The following KANK1 variants were observed in gnomAD, a reference collection of about 807,000 sequenced individuals.
The protein encoded by KANK1 is KN motif and ankyrin repeat domains 1.
A neutral mutation model predicts 106.2 loss-of-function variants in KANK1; 109 were observed. The observed-to-expected ratio is 1.03, with a 90% CI of 0.88 to 1.20. The LOEUF (loss-of-function observed/expected upper bound fraction) is 1.20. Among genes scored for constraint, KANK1 ranks in the 50% most tolerant of loss-of-function variants. The probability of loss-of-function intolerance (pLI) is 0.00; values close to 1 mark genes in which losing one functional copy is unlikely to be tolerated. For synonymous variants in KANK1, 873 were observed against 652.2 expected (o/e 1.34, Z -5.16); for missense variants, 2,399 against 1,710.7 (o/e 1.40, Z -7.10).
intron 3 of KANK1, among the ~76,000 whole-genome samples, chr9:483,799 G>A (rs941694788): frequency 5.9e-5 from 9 of 152,130 alleles, no homozygotes; most frequent in African/African-American, 2.2e-4. Flanking sequence ...TTGACAACCT[G>A]CTAGCTCTTT....
At chr9:656,696 A>G (rs1309894004) in intron 1 of KANK1, among the ~76,000 whole-genome samples, 2 of 152,134 alleles carry the variant, frequency 1.3e-5, no homozygotes, top group Non-Finnish European at 2.9e-5. Context: ...AAGAATCACT[A>G]AAGGGATGTG....
chr9:643,519 C>A (rs1456151241), intron 1 of KANK1, among the ~76,000 whole-genome samples: 4 of 147,788 alleles, frequency 2.7e-5, no homozygotes, highest in African/African-American at 7.8e-5. Context: ...ATAAATAAAC[C>A]AGAATTTGCT....
intron 1 of KANK1, among the ~76,000 whole-genome samples, chr9:520,820 C>T (rs901895401): frequency 1.3e-5 from 2 of 151,688 alleles, no homozygotes; most frequent in Non-Finnish European, 2.9e-5. Flanking sequence ...TTTCCCATGG[C>T]TCCAGATCTG....
At chr9:536,866 G>T (rs552257371) in intron 1 of KANK1, among the ~76,000 whole-genome samples, 7 of 152,224 alleles carry the variant, frequency 4.6e-5, no homozygotes, top group Admixed American at 2.6e-4. Context: ...CTCTTAGTTC[G>T]CAGTCGGCAC....
intron 11 of KANK1, 155 bp from the exon 12 acceptor site, chr9:745,018 T>C (rs907881714): frequency 3.3e-6 from 5 of 1,505,498 alleles, no homozygotes; most frequent in Non-Finnish European, 3.5e-6. Context: ...GCCTTGGAGC[T>C]GTGGACACCT....
chr9:650,135 A>T (rs1563925692), intron 1 of KANK1, among the ~76,000 whole-genome samples: 1 of 152,188 alleles, frequency 6.6e-6, no homozygotes, highest in Admixed American at 6.5e-5. Context: ...TTAATATGCA[A>T]TCCCAATATT....
chr9:645,778 A>G (rs969995559), intron 1 of KANK1, among the ~76,000 whole-genome samples: 1 of 150,712 alleles, frequency 6.6e-6, no homozygotes, highest in East Asian at 1.9e-4. Flanking sequence ...CTGACCAGCC[A>G]GCTGAGATCG....
At chr9:511,784 T>G (rs2059037178) in intron 1 of KANK1, among the ~76,000 whole-genome samples, 1 of 152,160 alleles carries the variant, frequency 6.6e-6, no homozygotes, top group Non-Finnish European at 1.5e-5. Flanking sequence ...CAGTCTTGGT[T>G]TAGGTGTGAT....
chr9:486,760 AAT>A (rs2058300005), intron 3 of KANK1, among the ~76,000 whole-genome samples: 1 of 152,184 alleles, frequency 6.6e-6, no homozygotes, highest in African/African-American at 2.4e-5. Context: ...AAAAACCTCA[AAT>A]ATTTTCTGTA....
rs1443418150 is a variant in KANK1 at position 711,042 on chromosome 9, C to A, written c.276C>A (p.Leu92=). The change falls in exon 3 of 12, where the codon CTC becomes CTA. Residue 92 remains leucine (L), a synonymous_variant. Coordinates refer to ENST00000382297, the MANE Select transcript of KANK1 (RefSeq NM_015158.5). ...QQGIWTSTES[L]SSSNSDDNKQ... ...GTATATGGACTTCCACTGAATCCCT[C>A]TCATCCTCCAACAGTGATGACAACA... 3 of 1,614,220 alleles carry A rather than the reference C, an allele frequency of 1.9e-6. No homozygotes were observed. The highest frequency in any genetic ancestry group is 2.5e-6 in the Non-Finnish European group (3 of 1,180,046).
At chr9:590,698 GC>G (rs1272573455) in intron 1 of KANK1, among the ~76,000 whole-genome samples, 6 of 149,612 alleles carry the variant, frequency 4.0e-5, no homozygotes, top group Non-Finnish European at 8.8e-5. Flanking sequence ...AATGCACCCT[GC>G]TTTTCTCAGT....
intron 1 of KANK1, among the ~76,000 whole-genome samples, chr9:656,329 G>C (rs375932128): frequency 6.6e-6 from 1 of 152,172 alleles, no homozygotes; most frequent in African/African-American, 2.4e-5. Flanking sequence ...TGTGGAATCT[G>C]TTTCCCCTGG....
rs1828354090 is a variant in KANK1 at position 718,444 on chromosome 9, C to G, written c.2698+4980C>G. On this transcript the variant is annotated intron_variant, in intron 3 of 11. Transcript: ENST00000382297. ...CCTCCCTCTTCAGCTTCCCAAGTTG[C>G]TGGGACTACAGGTGCATGCCACCAT... is the stretch of plus-strand genomic sequence containing the variant. 1.3e-5 allele frequency among the ~76,000 whole-genome samples: 2 copies of G among 151,420 alleles called. 1 individual carries two copies. Among genetic ancestry groups the G allele is most frequent in the South Asian group, 4.2e-4 (2 of 4,756 alleles).
intron 1 of KANK1, among the ~76,000 whole-genome samples, chr9:582,118 G>T (rs1822314504): frequency 6.6e-6 from 1 of 152,180 alleles, no homozygotes. Context: ...GGTGCAAGAG[G>T]CGCTGCTTCT....
intron 1 of KANK1, among the ~76,000 whole-genome samples, chr9:551,997 A>G (rs1005448582): frequency 2.4e-4 from 36 of 152,170 alleles, no homozygotes; most frequent in African/African-American, 8.0e-4. Context: ...TCAAGGCTGC[A>G]ACGAGCTATG....
rs114814776 is a variant in KANK1, at chr9:496,056, C to T, written c.-362+22783C>T. Among the ~76,000 whole-genome samples the T allele has an allele frequency of 2.8e-3, 432 of 152,216 alleles. 1 individual carries two copies. The highest frequency in any genetic ancestry group is 9.7e-3 in the African/African-American group (402 of 41,514). On this transcript the variant is annotated intron_variant, in intron 3 of 15. Coordinates refer to the KANK1 transcript ENST00000382303. ...GACTTCTGGCTCTGGCCTCCAGCAA[C>T]CTGGGTTCAAATTCTGCCTCTACCA...
At chr9:675,815 C>T (rs575232842) in intron 1 of KANK1, among the ~76,000 whole-genome samples, 147 of 152,202 alleles carry the variant, frequency 9.7e-4, no homozygotes, top group African/African-American at 1.4e-3. Context: ...AGAGCAGGAG[C>T]GTAGGCTGCT....
At chr9:563,477 A>C (rs1473619777) in intron 1 of KANK1, among the ~76,000 whole-genome samples, 1 of 152,220 alleles carries the variant, frequency 6.6e-6, no homozygotes, top group African/African-American at 2.4e-5. Flanking sequence ...TCTCATTGCC[A>C]CTAGTAATAT....
chr9:587,888 AAAC>A (rs1207017317), intron 1 of KANK1, among the ~76,000 whole-genome samples: 1 of 152,198 alleles, frequency 6.6e-6, no homozygotes, highest in Non-Finnish European at 1.5e-5. Context: ...CAACATGGCG[AAAC>A]CCCGTCTCTA....
Sources: allele counts gnomAD v4.1 joint callset (sites outside exome capture counted in the v4.1 genomes callset), GRCh38; gene constraint gnomAD v4.1.1; transcripts MANE v1.5; gene names NCBI Gene and HGNC (gene_info 2026-07-23, HGNC 2026-07-21).